Variants in PFKFB3 observed in about 807,000 individuals in gnomAD.
PFKFB3 encodes 6-phosphofructo-2-kinase/fructose-2,6-bisphosphatase 3.
Under a neutral mutation model 68.0 loss-of-function variants are expected in PFKFB3, and 33 were observed. The ratio of observed to expected loss-of-function variants is 0.49; its 90% CI spans 0.37 to 0.65. The LOEUF (loss-of-function observed/expected upper bound fraction) is 0.65, where lower values mean the gene tolerates loss of function less well. PFKFB3 is among the 30% of genes least tolerant of loss of function. The pLI is 0.00. For synonymous variants in PFKFB3, 315 were observed against 288.2 expected, an observed-to-expected ratio of 1.09 and a Z score of -0.94; for missense variants, 586 against 712.2, an observed-to-expected ratio of 0.82 and a Z score of 2.02.
At chr10:6,310,617 C>G in the PFKFB3 span, among the ~76,000 whole-genome samples, 2 of 152,286 alleles carry the variant, frequency 1.3e-5, no homozygotes, top group African/African-American at 4.8e-5. Flanking sequence ...GGCCTTGACT[C>G]TACTCTACCA....
rs183138140 is a variant in PFKFB3, at chr10:6,166,684, G to A, written c.16+21671G>A. ...TCGGATCTTGAGTAGCACCTGTTTC[G>A]GCCCATTGCCCCTTTAACAAGGGGC... On this transcript the variant is annotated intron_variant, in intron 1 of 14. Coordinates refer to the PFKFB3 transcript ENST00000379789. Among the ~76,000 whole-genome samples, 19 of 152,170 alleles carry A rather than the reference G, an allele frequency of 1.2e-4. No homozygotes were observed. The East Asian group carries it at 1.5e-3, about 12-fold the overall frequency.
At chr10:6,305,630 C>T in the PFKFB3 span, among the ~76,000 whole-genome samples, 1 of 152,194 alleles carries the variant, frequency 6.6e-6, no homozygotes, top group African/African-American at 2.4e-5. Flanking sequence ...ATTCTGGGGC[C>T]TGAGGTTCTG....
At chr10:6,214,783 C>A (rs115626722) in intron 2 of PFKFB3, among the ~76,000 whole-genome samples, 2 of 152,216 alleles carry the variant, frequency 1.3e-5, no homozygotes, top group African/African-American at 2.4e-5. Context: ...CTGGCCCTGG[C>A]GGCTGCACCA....
At chr10:6,323,675 C>T in the PFKFB3 span, among the ~76,000 whole-genome samples, 5 of 152,296 alleles carry the variant, frequency 3.3e-5, no homozygotes, top group East Asian at 1.9e-4. Context: ...TTGTTCACTC[C>T]GTGCCTCTCC....
intron 14 of PFKFB3, among the ~76,000 whole-genome samples, chr10:6,248,387 G>T (rs1032263556): frequency 3.3e-5 from 5 of 152,104 alleles, no homozygotes; most frequent in African/African-American, 1.2e-4. Context: ...CACTTTGGGA[G>T]GGAGGCCGAG....
chr10:6,217,474 C>A (rs753548348), intron 6 of PFKFB3, among the ~76,000 whole-genome samples: 17 of 152,200 alleles, frequency 1.1e-4, no homozygotes, highest in Non-Finnish European at 2.5e-4. Flanking sequence ...GTGGCAGGAG[C>A]CTGACAGCTA....
chr10:6,249,065 T>C, intron 14 of PFKFB3, among the ~76,000 whole-genome samples: 1 of 150,834 alleles, frequency 6.6e-6, no homozygotes, highest in East Asian at 1.9e-4. Flanking sequence ...TCCTAGCTAC[T>C]CAGGAGGCTG....
intron 1 of PFKFB3, among the ~76,000 whole-genome samples, chr10:6,208,377 T>TTTTTG: frequency 7.3e-6 from 1 of 137,898 alleles, no homozygotes; most frequent in South Asian, 2.3e-4. Flanking sequence ...TGGCCTTTTT[T>TTTTTG]TTTTTTTTTT....
At chr10:6,164,369 G>C (rs1303124608) in intron 1 of PFKFB3, among the ~76,000 whole-genome samples, 1 of 152,212 alleles carries the variant, frequency 6.6e-6, no homozygotes, top group African/African-American at 2.4e-5. Context: ...GAGTGAGCGG[G>C]TGAAGGGTCA....
the PFKFB3 span, among the ~76,000 whole-genome samples, chr10:6,290,648 A>ATGTG: frequency 6.6e-6 from 1 of 151,786 alleles, no homozygotes; most frequent in Non-Finnish European, 1.5e-5. Flanking sequence ...ACAGGCACCC[A>ATGTG]CCACCATGCC....
chr10:6,173,256 C>T (rs1462759545), intron 1 of PFKFB3, among the ~76,000 whole-genome samples: 1 of 152,150 alleles, frequency 6.6e-6, no homozygotes, highest in Non-Finnish European at 1.5e-5. Flanking sequence ...TGCTGGTGGT[C>T]ATGTTTGTGT....
At chr10:6,168,578 A>G (rs1009688511) in intron 1 of PFKFB3, among the ~76,000 whole-genome samples, 28 of 152,314 alleles carry the variant, frequency 1.8e-4, no homozygotes, top group Admixed American at 1.2e-3. Context: ...TGGAAACCCT[A>G]TTACAATCCA....
At chr10:6,202,264 TA>T (rs1403965547), upstream of PFKFB3, among the ~76,000 whole-genome samples, 1 of 152,106 alleles carries the variant, frequency 6.6e-6, no homozygotes, top group East Asian at 1.9e-4. Flanking sequence ...GTCTTTGGGC[TA>T]GGGGAGGGGA....
At chr10:6,226,473 G>C (rs763704515) in intron 14 of PFKFB3, 108 bp downstream of exon 14, 2 of 1,048,684 alleles carry the variant, frequency 1.9e-6, no homozygotes, top group East Asian at 2.5e-5. Context: ...GCGTGGGTGC[G>C]TGTGGGTGCG....
At chr10:6,239,699 G>T (rs1049427013), downstream of PFKFB3, among the ~76,000 whole-genome samples, 16 of 151,970 alleles carry the variant, frequency 1.1e-4, no homozygotes, top group Admixed American at 2.6e-4. Flanking sequence ...TTTGAGAGAG[G>T]GTCTTGCTCT....
intron 11 of PFKFB3, 48 bp downstream of exon 11, chr10:6,223,032 G>T (rs777735636): frequency 1.5e-5 from 24 of 1,578,594 alleles, no homozygotes; most frequent in Non-Finnish European, 2.1e-5. Context: ...GAGGGGACTG[G>T]CACTCGGCGG....
At chr10:6,185,360 A>T (rs1168963532) in intron 1 of PFKFB3, among the ~76,000 whole-genome samples, 1 of 152,232 alleles carries the variant, frequency 6.6e-6, no homozygotes, top group East Asian at 1.9e-4. Flanking sequence ...GTTAGCCACT[A>T]AGCTGTTTAT....
intron 13 of PFKFB3, chr10:6,224,638 G>A (rs1422963394): frequency 2.9e-6 from 1 of 348,630 alleles, no homozygotes. Flanking sequence ...GCACCACCAT[G>A]CCCAGCTAAT....
chr10:6,318,602 C>G, the PFKFB3 span, among the ~76,000 whole-genome samples: 1 of 152,186 alleles, frequency 6.6e-6, no homozygotes, highest in Admixed American at 6.5e-5. Context: ...TCATTTTGCG[C>G]TTTTGCCTGA....
Sources: gnomAD v4.1 joint callset for allele counts (sites outside exome capture counted in the v4.1 genomes callset) on GRCh38, gnomAD v4.1.1 for gene constraint, MANE v1.5 for transcripts, NCBI Gene and HGNC (gene_info 2026-07-23, HGNC 2026-07-21) for gene names.